Variants in SLC19A1 observed in about 807,000 individuals in gnomAD.
SLC19A1 encodes the protein reduced folate transporter.
In SLC19A1, 37 loss-of-function variants were observed where a neutral mutation model predicts 35.3. That is an observed-to-expected ratio of 1.05 (90% CI 0.81 to 1.38). The LOEUF (loss-of-function observed/expected upper bound fraction) is 1.38, where lower values mean the gene tolerates loss of function less well. SLC19A1 is among the 40% of genes most tolerant of loss of function. SLC19A1 has a pLI of 0.00. For synonymous variants in SLC19A1, 460 were observed against 398.5 expected (o/e 1.15, Z -1.84); for missense variants, 831 against 826.9 (o/e 1.00, Z -0.06).
chr21:45,552,599 C>G (rs1012223020), intron 1 of SLC19A1, among the ~76,000 whole-genome samples: 3 of 152,210 alleles, frequency 2.0e-5, no homozygotes, highest in African/African-American at 7.2e-5. Context: ...CAGTCACCAG[C>G]AGAGCAGACA....
intron 2 of SLC19A1, among the ~76,000 whole-genome samples, chr21:45,535,482 G>T (rs967899328): frequency 2.6e-5 from 4 of 152,202 alleles, no homozygotes; most frequent in Admixed American, 2.0e-4. Context: ...GGCCCACGGC[G>T]GGAGAAATGG....
At chr21:45,522,885 C>G (rs2146263599) in intron 5 of SLC19A1, among the ~76,000 whole-genome samples, 1 of 152,214 alleles carries the variant, frequency 6.6e-6, no homozygotes, top group East Asian at 1.9e-4. Flanking sequence ...ATGAGGGATC[C>G]CTGTGGGGAT....
chr21:45,512,292 C>A, downstream of SLC19A1: 2 of 1,612,220 alleles, frequency 1.2e-6, no homozygotes, highest in Non-Finnish European at 1.7e-6. Flanking sequence ...ACGGGCCAGG[C>A]CTCCTCGCTG....
chr21:45,505,544 G>A (rs980774032), intron 3 of SLC19A1: 6 of 713,558 alleles, frequency 8.4e-6, no homozygotes, highest in Middle Eastern at 3.7e-4. Context: ...TATACAGGAG[G>A]CCAAGATGCG....
rs2037868938 is a variant in SLC19A1, at chr21:45,515,585, G to A, written c.*73C>T. ...GCGGAGGCCCCCATTGCTAAGGCAG[G>A]CGGCCCTCGAGGCAGGGGTCGTGGG... is the stretch of plus-strand genomic sequence containing the variant. On this transcript the variant is annotated 3_prime_UTR_variant, in exon 6 of 6. Transcript: ENST00000311124. 6.3e-7 allele frequency: 1 copy of A among 1,592,128 alleles called. No individual in the cohort carries two copies. The highest frequency in any genetic ancestry group is 8.5e-7 in the Non-Finnish European group (1 of 1,174,430).
At chr21:45,512,480 CCCTGGCCCCAGGA>C, downstream of SLC19A1, 5 of 1,370,208 alleles carry the variant, frequency 3.6e-6, no homozygotes, top group Non-Finnish European at 4.1e-6. Context: ...GCCGGCCAGC[CCCTGGCCCCAGGA>C]CCTGGCTGCC....
At chr21:45,503,355 T>C (rs1189488041) in intron 3 of SLC19A1, among the ~76,000 whole-genome samples, 2 of 152,112 alleles carry the variant, frequency 1.3e-5, no homozygotes, top group Non-Finnish European at 2.9e-5. Flanking sequence ...GTTTTTTGGC[T>C]GCATAAATGT....
chr21:45,506,516 A>G (rs549946932), intron 3 of SLC19A1: 24 of 198,584 alleles, frequency 1.2e-4, no homozygotes, highest in African/African-American at 5.1e-4. Flanking sequence ...TGCTTTCCCA[A>G]AATGGTCTGG....
At chr21:45,551,289 CAATT>C (rs1007991778) in intron 1 of SLC19A1, among the ~76,000 whole-genome samples, 3 of 152,038 alleles carry the variant, frequency 2.0e-5, no homozygotes, top group Admixed American at 6.6e-5. Context: ...AATTGCTTTC[CAATT>C]AATTAATTTC....
At chr21:45,524,910 G>A (rs969342582) in intron 5 of SLC19A1, among the ~76,000 whole-genome samples, 5 of 152,210 alleles carry the variant, frequency 3.3e-5, no homozygotes, top group Non-Finnish European at 5.9e-5. Context: ...TTCACACCTG[G>A]GTCGGGGGTG....
chr21:45,510,814 AG>A (rs1231652588), downstream of SLC19A1, among the ~76,000 whole-genome samples: 1 of 152,022 alleles, frequency 6.6e-6, no homozygotes, highest in Non-Finnish European at 1.5e-5. Flanking sequence ...GTTAGGGGAC[AG>A]GGTCCCCTGC....
upstream of SLC19A1, among the ~76,000 whole-genome samples, chr21:45,545,164 C>A (rs1434304512): frequency 6.6e-6 from 1 of 152,204 alleles, no homozygotes; most frequent in African/African-American, 2.4e-5. Flanking sequence ...TGCGCAGACA[C>A]GCACACACAC....
At chr21:45,549,786 T>C (rs1471668846) in intron 1 of SLC19A1, among the ~76,000 whole-genome samples, 1 of 48,354 alleles carries the variant, frequency 2.1e-5, no homozygotes, top group Non-Finnish European at 3.9e-5. Context: ...ACTTGGCGGA[T>C]TGTGGGGAGG....
intron 3 of SLC19A1, chr21:45,505,803 G>A (rs777803458): frequency 1.2e-4 from 76 of 641,850 alleles, no homozygotes; most frequent in African/African-American, 3.8e-4. Context: ...CGCCCTCCCC[G>A]CCAAGCCCCA....
intron 5 of SLC19A1, among the ~76,000 whole-genome samples, chr21:45,519,035 T>G (rs2077359163): frequency 6.6e-6 from 1 of 152,230 alleles, no homozygotes; most frequent in South Asian, 2.1e-4. Flanking sequence ...TTACAATATT[T>G]TCTTATGTAG....
At position 45,518,046 on chromosome 21, in the gene SLC19A1, C is replaced by T. The variant is rs187244891; in HGVS notation, c.1294-1906G>A. 2.0e-5 allele frequency among the ~76,000 whole-genome samples: 3 copies of T among 152,306 alleles called. No homozygotes were observed. The East Asian group carries it at 5.8e-4, about 29-fold the overall frequency. ...GAAAAACAATTAATAGACACCAACACTAAGACAACACAGACAGTAGAATTC... is the reference window on the plus strand; with the variant it reads ...GAAAAACAATTAATAGACACCAACATTAAGACAACACAGACAGTAGAATTC... On this transcript the variant is annotated intron_variant, in intron 5 of 5. Transcript: ENST00000311124.
At chr21:45,509,149 T>G (rs2037421876), downstream of SLC19A1, among the ~76,000 whole-genome samples, 1 of 151,718 alleles carries the variant, frequency 6.6e-6, no homozygotes, top group Non-Finnish European at 1.5e-5. Context: ...TGAGCAGAGG[T>G]GACCCGCGAT....
At chr21:45,555,162 G>C (rs560932863) in intron 1 of SLC19A1, among the ~76,000 whole-genome samples, 14 of 89,310 alleles carry the variant, frequency 1.6e-4, no homozygotes, top group Non-Finnish European at 2.6e-4. Flanking sequence ...GGGGGCGGCG[G>C]GGGCGGCGCA....
rs1465092502 is a variant in SLC19A1, at chr21:45,531,543, CG to C, written c.794del (p.Pro265ArgfsTer63). 1.7e-5 allele frequency: 28 copies of C among 1,612,098 alleles called. No individual in the cohort carries two copies. The highest frequency in any genetic ancestry group is 2.3e-5 in the Non-Finnish European group (27 of 1,179,574). ...ACCAGAGGGACCACAGGCGCAGCTG[CG>C]GCCGCCGCAGGCTGTCCCCCAGCTC... ...LRELGDSLRR[P>X]QLRLWSLWWV... On this transcript the variant is annotated frameshift_variant, in exon 3 of 6. Coordinates refer to ENST00000311124, the MANE Select transcript of SLC19A1 (RefSeq NM_194255.4). LOFTEE classifies it high-confidence loss of function.
Sources: gnomAD v4.1 joint callset for allele counts (sites outside exome capture counted in the v4.1 genomes callset) on GRCh38, gnomAD v4.1.1 for gene constraint, MANE v1.5 for transcripts, NCBI Gene and HGNC (gene_info 2026-07-23, HGNC 2026-07-21) for gene names.